The following PDE4B variants were observed in gnomAD, a reference collection of about 807,000 sequenced individuals.
PDE4B encodes the protein 3',5'-cyclic-AMP phosphodiesterase 4B.
In PDE4B, 20 loss-of-function variants were observed where a neutral mutation model predicts 82.2. That is an observed-to-expected ratio of 0.24 (90% confidence interval 0.17 to 0.35). The LOEUF (loss-of-function observed/expected upper bound fraction) is 0.35. Among genes scored for constraint, PDE4B ranks in the 10% least tolerant of loss-of-function variants. PDE4B has a pLI of 1.00. For synonymous variants in PDE4B, 320 were observed against 318.9 expected (o/e 1.00, Z -0.04); for missense variants, 655 against 907.2 (o/e 0.72, Z 3.57).
At chr1:65,841,248 A>G (rs1157734295) in intron 1 of PDE4B, among the ~76,000 whole-genome samples, 1 of 152,110 alleles carries the variant, frequency 6.6e-6, no homozygotes, top group Non-Finnish European at 1.5e-5. Context: ...TAGTGAGCCA[A>G]GATTGTCACC....
At chr1:66,056,536 T>TATC (rs869138960) in intron 3 of PDE4B, among the ~76,000 whole-genome samples, 668 of 60,734 alleles carry the variant, frequency 0.011, 3 homozygotes, top group East Asian at 0.02. Flanking sequence ...ATCTATCATC[T>TATC]ATCTATCTAT....
At chr1:66,159,405 A>G (rs1186380382) in intron 3 of PDE4B, among the ~76,000 whole-genome samples, 1 of 138,676 alleles carries the variant, frequency 7.2e-6, no homozygotes, top group Non-Finnish European at 1.6e-5. Context: ...ACGCCCAGCT[A>G]TTTTTTTTTT....
intron 3 of PDE4B, among the ~76,000 whole-genome samples, chr1:65,950,117 T>A (rs186937205): frequency 1.3e-5 from 2 of 152,232 alleles, no homozygotes; most frequent in East Asian, 3.9e-4. Context: ...TGTTGATTAA[T>A]AGACTTGAAC....
intron 3 of PDE4B, among the ~76,000 whole-genome samples, chr1:66,073,412 C>G (rs2100933931): frequency 6.6e-6 from 1 of 152,194 alleles, no homozygotes; most frequent in South Asian, 2.1e-4. Context: ...AGTACCTAGA[C>G]AGGAAAGTCT....
chr1:65,987,843 A>T (rs1466010559), intron 3 of PDE4B, among the ~76,000 whole-genome samples: 1 of 152,164 alleles, frequency 6.6e-6, no homozygotes, highest in Non-Finnish European at 1.5e-5. Context: ...TGAACCCCCC[A>T]CATCAGGTGA....
At chr1:65,847,976 A>G (rs994656877) in intron 1 of PDE4B, among the ~76,000 whole-genome samples, 5 of 151,900 alleles carry the variant, frequency 3.3e-5, no homozygotes, top group African/African-American at 1.2e-4. Flanking sequence ...ACTCAGCTTT[A>G]TCAGTACAAT....
intron 1 of PDE4B, among the ~76,000 whole-genome samples, chr1:65,884,470 C>A (rs1646748782): frequency 6.6e-6 from 1 of 152,072 alleles, no homozygotes; most frequent in East Asian, 1.9e-4. Context: ...TACTACAAGG[C>A]CATGGTAACC....
chr1:65,998,385 C>A (rs1434216741), intron 3 of PDE4B, among the ~76,000 whole-genome samples: 1 of 148,502 alleles, frequency 6.7e-6, no homozygotes, highest in Non-Finnish European at 1.5e-5. Flanking sequence ...ATATCATGAA[C>A]AAGAGTTGGA....
At chr1:66,055,169 C>T (rs182092338) in intron 3 of PDE4B, among the ~76,000 whole-genome samples, 1 of 152,302 alleles carries the variant, frequency 6.6e-6, no homozygotes. Context: ...GAGTGAACTA[C>T]TAGCTGACTT....
chr1:65,989,986 C>A (rs1009345983), intron 3 of PDE4B, among the ~76,000 whole-genome samples: 9 of 147,216 alleles, frequency 6.1e-5, no homozygotes, highest in Non-Finnish European at 1.0e-4. Flanking sequence ...TTCAGACTTT[C>A]AAAGAGTCCG....
intron 3 of PDE4B, among the ~76,000 whole-genome samples, chr1:66,022,759 T>TA (rs1253640956): frequency 6.6e-6 from 1 of 152,192 alleles, no homozygotes; most frequent in African/African-American, 2.4e-5. Flanking sequence ...GATATTGATC[T>TA]AAAATTCTCT....
intron 3 of PDE4B, among the ~76,000 whole-genome samples, chr1:65,958,917 G>GT (rs1252294667): frequency 6.6e-6 from 1 of 152,142 alleles, no homozygotes; most frequent in Non-Finnish European, 1.5e-5. Flanking sequence ...ACAAATGTTC[G>GT]TAACTGCATA....
chr1:66,096,074 G>A lies in PDE4B; in HGVS notation c.282-151386G>A, dbSNP rs568378646. 6.6e-5 allele frequency among the ~76,000 whole-genome samples: 10 copies of A among 151,634 alleles called. No homozygotes were observed. In the South Asian group the frequency reaches 1.9e-3, roughly 28 times the overall value. On this transcript the variant is annotated intron_variant, in intron 3 of 16. Coordinates refer to ENST00000341517, the MANE Select transcript of PDE4B (RefSeq NM_002600.4). ...CTATTTGAAACTGTATATTATTGTTGACTATAGTCATCCTACAGTGCTATA... is the reference window on the plus strand; with the variant it reads ...CTATTTGAAACTGTATATTATTGTTAACTATAGTCATCCTACAGTGCTATA...
intron 3 of PDE4B, among the ~76,000 whole-genome samples, chr1:66,186,879 G>T (rs1440149765): frequency 6.6e-6 from 1 of 152,152 alleles, no homozygotes; most frequent in East Asian, 1.9e-4. Flanking sequence ...TGTTGAATAG[G>T]AGTGATGAGA....
intron 3 of PDE4B, among the ~76,000 whole-genome samples, chr1:66,028,772 G>A (rs1458672939): frequency 1.3e-5 from 2 of 152,162 alleles, no homozygotes; most frequent in South Asian, 2.1e-4. Context: ...AACATAACAA[G>A]AGTCACCTTT....
At chr1:66,323,537 C>T (rs1659553156) in intron 7 of PDE4B, among the ~76,000 whole-genome samples, 1 of 152,132 alleles carries the variant, frequency 6.6e-6, no homozygotes, top group South Asian at 2.1e-4. Context: ...GTGCCTACAA[C>T]ATAATAGGCA....
chr1:65,929,715 C>T (rs1647724163), intron 3 of PDE4B, among the ~76,000 whole-genome samples: 1 of 152,176 alleles, frequency 6.6e-6, no homozygotes, highest in South Asian at 2.1e-4. Context: ...TGGTTCTGCA[C>T]ATATGGTCAA....
At chr1:65,799,233 G>A (rs1645667881) in intron 1 of PDE4B, among the ~76,000 whole-genome samples, 1 of 152,096 alleles carries the variant, frequency 6.6e-6, no homozygotes, top group Non-Finnish European at 1.5e-5. Flanking sequence ...AAAGCCATAA[G>A]GAAATCTAAG....
At chr1:66,268,910 A>G (rs949493224) in intron 7 of PDE4B, among the ~76,000 whole-genome samples, 2 of 152,018 alleles carry the variant, frequency 1.3e-5, no homozygotes, top group African/African-American at 4.8e-5. Flanking sequence ...TGTCTCTCCC[A>G]TTGGAGATAA....
Sources: allele counts gnomAD v4.1 joint callset (sites outside exome capture counted in the v4.1 genomes callset), GRCh38; gene constraint gnomAD v4.1.1; transcripts MANE v1.5; gene names NCBI Gene and HGNC (gene_info 2026-07-23, HGNC 2026-07-21).